TAPT1: variants seen among roughly 807,000 people sequenced by gnomAD.
The protein encoded by TAPT1 is transmembrane anterior posterior transformation 1.
Under a neutral mutation model 65.6 loss-of-function variants are expected in TAPT1, and 28 were observed. The observed-to-expected ratio is 0.43, with a 90% CI of 0.32 to 0.59. TAPT1 has a LOEUF of 0.59. TAPT1 is among the 20% of genes least tolerant of loss of function. The pLI is 0.09. For missense variants in TAPT1, 563 were observed against 679.9 expected, an observed-to-expected ratio of 0.83 and a Z score of 1.91; for synonymous variants, 278 against 245.2, an observed-to-expected ratio of 1.13 and a Z score of -1.25.
At chr4:16,191,329 C>A in intron 4 of TAPT1, 32 bp downstream of exon 4, 2 of 1,575,898 alleles carry the variant, frequency 1.3e-6, no homozygotes, top group Non-Finnish European at 1.7e-6. Flanking sequence ...AGTGCCCTGG[C>A]CAGGCCTGTG....
chr4:16,222,218 G>A (rs11943260), intron 1 of TAPT1, among the ~76,000 whole-genome samples: 5 of 152,308 alleles, frequency 3.3e-5, no homozygotes, highest in East Asian at 3.9e-4. Flanking sequence ...ATTTCAGAGC[G>A]TAAACTAAGT....
chr4:16,192,669 C>T (rs541598578), intron 3 of TAPT1, among the ~76,000 whole-genome samples: 6 of 152,296 alleles, frequency 3.9e-5, no homozygotes, highest in Non-Finnish European at 5.9e-5. Flanking sequence ...GGGAAAGATA[C>T]GTTCTCTTTG....
intron 8 of TAPT1, chr4:16,178,920 G>C (rs938378427): frequency 1.5e-4 from 23 of 152,176 alleles, no homozygotes; most frequent in African/African-American, 5.6e-4. Context: ...GGTAACTAAA[G>C]TACACTACAG....
At chr4:16,222,214 G>C (rs1751293519) in intron 1 of TAPT1, among the ~76,000 whole-genome samples, 2 of 152,194 alleles carry the variant, frequency 1.3e-5, no homozygotes, top group African/African-American at 4.8e-5. Flanking sequence ...TTGAATTTCA[G>C]AGCGTAAACT....
intron 5 of TAPT1, among the ~76,000 whole-genome samples, 176 bp from the exon 6 acceptor site, chr4:16,187,054 T>C (rs1456990656): frequency 6.6e-6 from 1 of 152,232 alleles, no homozygotes; most frequent in Non-Finnish European, 1.5e-5. Context: ...TGACAGGATA[T>C]GTGCAATCCA....
intron 8 of TAPT1, 97 bp from the exon 9 acceptor site, chr4:16,176,325 T>C (rs1437223397): frequency 1.6e-6 from 1 of 610,756 alleles, no homozygotes; most frequent in Non-Finnish European, 2.8e-6. Flanking sequence ...AGAACAAAAC[T>C]GTAGTATTTT....
chr4:16,196,173 A>G (rs1468479295), intron 3 of TAPT1, among the ~76,000 whole-genome samples: 2 of 152,252 alleles, frequency 1.3e-5, no homozygotes, highest in Non-Finnish European at 1.5e-5. Flanking sequence ...GAATTAGAAA[A>G]TTAAGTATCT....
intron 3 of TAPT1, among the ~76,000 whole-genome samples, chr4:16,201,350 A>T (rs904191757): frequency 1.3e-5 from 2 of 152,214 alleles, no homozygotes; most frequent in African/African-American, 4.8e-5. Context: ...CTCAACTGCT[A>T]TGGTTAAATT....
Position 16,207,156 on chromosome 4 carries a change from G to A in TAPT1, c.331-4576C>T, listed in dbSNP as rs147254226. 1.4e-3 allele frequency among the ~76,000 whole-genome samples: 208 copies of A among 152,352 alleles called. 1 individual carries two copies. Among genetic ancestry groups the A allele is most frequent in the Middle Eastern group, 3.4e-3 (1 of 294 alleles). On this transcript the variant is annotated intron_variant, in intron 2 of 13. Transcript: ENST00000405303. ...GCACAAGGGTGTGTCACCAGCAAGA[G>A]CTGCATTATGAGAAGAATTTAGAGG...
chr4:16,166,924 T>C, intron 12 of TAPT1, 131 bp from the exon 13 acceptor site: 2 of 818,870 alleles, frequency 2.4e-6, no homozygotes, highest in South Asian at 4.6e-5. Context: ...TTAGAGGAAC[T>C]TACACAAATC....
chr4:16,227,335 T>C (rs1227072374), upstream of TAPT1: 8 of 456,066 alleles, frequency 1.8e-5, no homozygotes, highest in Non-Finnish European at 3.5e-5. Flanking sequence ...GGGCTGGACC[T>C]CCCCTTTCCA....
At chr4:16,203,820 AAAG>A (rs1216874284) in intron 2 of TAPT1, among the ~76,000 whole-genome samples, 1 of 152,236 alleles carries the variant, frequency 6.6e-6, no homozygotes, top group Non-Finnish European at 1.5e-5. Flanking sequence ...TCTTTAAATG[AAAG>A]AATACACTTT....
intron 2 of TAPT1, among the ~76,000 whole-genome samples, chr4:16,208,950 G>T (rs1750500056): frequency 6.6e-6 from 1 of 152,120 alleles, no homozygotes. Flanking sequence ...AGCAACCTCT[G>T]CCTCTGGGGC....
chr4:16,214,663 C>G (rs1325568635), intron 1 of TAPT1: 2 of 152,184 alleles, frequency 1.3e-5, no homozygotes, highest in South Asian at 2.1e-4. Flanking sequence ...GATGCTCGAC[C>G]CCACCTCTTC....
At chr4:16,173,487 C>T (rs376400214) in intron 11 of TAPT1, among the ~76,000 whole-genome samples, 20 of 152,026 alleles carry the variant, frequency 1.3e-4, no homozygotes, top group South Asian at 1.2e-3. Context: ...GGCACGATCT[C>T]GGCTCACTGC....
intron 8 of TAPT1, chr4:16,176,663 T>G (rs1311326108): frequency 2.0e-5 from 3 of 152,856 alleles, no homozygotes; most frequent in Non-Finnish European, 4.4e-5. Context: ...GCCACTGCAC[T>G]GCAGCCTGGG....
chr4:16,187,357 TG>T (rs1392426816), intron 5 of TAPT1, among the ~76,000 whole-genome samples: 20 of 152,306 alleles, frequency 1.3e-4, no homozygotes, highest in Middle Eastern at 3.4e-3. Context: ...AAATGTGGAA[TG>T]TAAGGCAGTA....
chr4:16,190,274 A>G (rs1358895055), intron 4 of TAPT1: 2 of 152,156 alleles, frequency 1.3e-5, no homozygotes, highest in Non-Finnish European at 2.9e-5. Context: ...TTCATGGCTA[A>G]TTAGAAAGAT....
At chr4:16,176,534 A>G (rs1748337169) in intron 8 of TAPT1, 1 of 169,686 alleles carries the variant, frequency 5.9e-6, no homozygotes, top group Non-Finnish European at 1.3e-5. Context: ...TGTCTCTACT[A>G]AAAATACAAA....
Sources: allele counts gnomAD v4.1 joint callset (sites outside exome capture counted in the v4.1 genomes callset), GRCh38; gene constraint gnomAD v4.1.1; transcripts MANE v1.5; gene names NCBI Gene and HGNC (gene_info 2026-07-23, HGNC 2026-07-21).